Variants in BCAS1 observed in about 807,000 individuals in gnomAD.
The protein encoded by BCAS1 is brain enriched myelin associated protein 1, also known as breast carcinoma-amplified sequence 1.
A neutral mutation model predicts 65.4 loss-of-function variants in BCAS1; 46 were observed. That is an observed-to-expected ratio of 0.70 (90% CI 0.55 to 0.90). The LOEUF (loss-of-function observed/expected upper bound fraction) is 0.90. BCAS1 is among the 40% of genes least tolerant of loss of function. The pLI, the probability that BCAS1 is intolerant of heterozygous loss-of-function variation, is 0.00. For missense variants in BCAS1, 793 were observed against 771.2 expected (o/e 1.03, Z -0.33); for synonymous variants, 298 against 293.5 (o/e 1.02, Z -0.16).
intron 9 of BCAS1, among the ~76,000 whole-genome samples, chr20:53,968,441 T>C (rs1375143418): frequency 6.6e-6 from 1 of 152,202 alleles, no homozygotes; most frequent in Non-Finnish European, 1.5e-5. Flanking sequence ...TGAGAAACTA[T>C]TTTCTTTCCC....
chr20:54,009,403 C>T (rs928224917), intron 4 of BCAS1, among the ~76,000 whole-genome samples: 7 of 152,086 alleles, frequency 4.6e-5, no homozygotes, highest in Non-Finnish European at 1.0e-4. Context: ...TACAGATTAC[C>T]AGTATCAGGT....
chr20:53,944,799 A>T lies in BCAS1; in HGVS notation c.*123T>A. The T allele has an allele frequency of 1.1e-6, 1 of 944,488 alleles. No individual in the cohort carries two copies. Among genetic ancestry groups the T allele is most frequent in the Middle Eastern group, 2.7e-4 (1 of 3,698 alleles). The allele number at this position is 944,488 out of a possible 1,614,324, so 58.5% of individuals were successfully genotyped here. ...ATACAACAGCTCGGGCTTAATTTCTAGGCAGAATTTCATTTGCTGGCCATC... is the reference window on the plus strand; with the variant it reads ...ATACAACAGCTCGGGCTTAATTTCTTGGCAGAATTTCATTTGCTGGCCATC... On this transcript the variant is annotated 3_prime_UTR_variant, in exon 13 of 13. Transcript: ENST00000688948.
intron 7 of BCAS1, among the ~76,000 whole-genome samples, chr20:53,986,750 A>T (rs1261429846): frequency 6.6e-6 from 1 of 152,118 alleles, no homozygotes; most frequent in Non-Finnish European, 1.5e-5. Context: ...ATAAAAAATT[A>T]GCTGGGCATG....
At chr20:54,067,912 C>A (rs1190918712) in intron 1 of BCAS1, among the ~76,000 whole-genome samples, 1 of 152,262 alleles carries the variant, frequency 6.6e-6, no homozygotes, top group African/African-American at 2.4e-5. Context: ...CAGGCTGGCA[C>A]ACCCAGCAGA....
intron 12 of BCAS1, among the ~76,000 whole-genome samples, chr20:53,951,268 T>C (rs1339682258): frequency 6.6e-6 from 1 of 151,530 alleles, no homozygotes; most frequent in African/African-American, 2.4e-5. Flanking sequence ...AGCTCGGGAG[T>C]TCGAGACCAG....
At chr20:53,956,012 A>C (rs555322839) in intron 11 of BCAS1, among the ~76,000 whole-genome samples, 74 of 152,336 alleles carry the variant, frequency 4.9e-4, no homozygotes, top group African/African-American at 1.8e-3. Flanking sequence ...ACAAAAACAT[A>C]TTTACAGTCA....
At chr20:54,067,547 C>T (rs2092459384) in intron 1 of BCAS1, among the ~76,000 whole-genome samples, 1 of 152,118 alleles carries the variant, frequency 6.6e-6, no homozygotes, top group African/African-American at 2.4e-5. Context: ...GTTCTGTGTT[C>T]TGATCCATGA....
At chr20:53,968,589 C>A (rs755196096) in intron 9 of BCAS1, among the ~76,000 whole-genome samples, 2 of 152,178 alleles carry the variant, frequency 1.3e-5, no homozygotes, top group Non-Finnish European at 2.9e-5. Flanking sequence ...CAACATTTGG[C>A]AACTAAATCA....
intron 3 of BCAS1, among the ~76,000 whole-genome samples, chr20:54,045,961 G>T (rs2092096036): frequency 6.6e-6 from 1 of 152,176 alleles, no homozygotes; most frequent in East Asian, 1.9e-4. Context: ...GTTAGCTTGG[G>T]TGTCCTTGGA....
chr20:53,974,484 A>T (rs2090273070), intron 9 of BCAS1, among the ~76,000 whole-genome samples: 1 of 152,244 alleles, frequency 6.6e-6, no homozygotes, highest in Non-Finnish European at 1.5e-5. Flanking sequence ...CATCACAGAC[A>T]ACATTTCAGA....
intron 7 of BCAS1, among the ~76,000 whole-genome samples, chr20:53,991,106 G>A (rs1045696930): frequency 1.3e-5 from 2 of 152,112 alleles, no homozygotes; most frequent in Admixed American, 6.6e-5. Context: ...GCAGATCTGG[G>A]GAAACATCAT....
rs1952 is a variant in BCAS1, at chr20:53,944,104, C to T, written c.*818G>A. The T allele has an allele frequency of 0.11, 16,078 of 152,002 alleles. 1,407 individuals carry two copies. The highest frequency in any genetic ancestry group is 0.23 in the African/African-American group (9,637 of 41,392). The allele number at this position is 152,002 out of a possible 1,614,324, so 9.4% of individuals were successfully genotyped here. ...TACAAGGACCCTATTTGAAAAACAA[C>T]GCTTATTCATTCCTTTTTCTATACC... On this transcript the variant is annotated 3_prime_UTR_variant, in exon 13 of 13. Transcript: ENST00000688948.
chr20:53,963,976 T>C (rs371096), intron 10 of BCAS1, among the ~76,000 whole-genome samples: 44,556 of 152,096 alleles, frequency 0.29, 7,961 homozygotes, highest in African/African-American at 0.51. Flanking sequence ...GAGGATAGAG[T>C]TAAAACTAAA....
chr20:54,050,564 A>G (rs1397791203), intron 3 of BCAS1, among the ~76,000 whole-genome samples: 1 of 152,242 alleles, frequency 6.6e-6, no homozygotes. Context: ...GATACAGTAC[A>G]TACACAGATA....
At chr20:54,050,919 G>A (rs1040496251) in intron 3 of BCAS1, among the ~76,000 whole-genome samples, 7 of 152,290 alleles carry the variant, frequency 4.6e-5, no homozygotes, top group African/African-American at 1.4e-4. Context: ...CTCTTTAGGT[G>A]GGTCTTTTGC....
intron 4 of BCAS1, among the ~76,000 whole-genome samples, chr20:54,006,964 C>T (rs1034587813): frequency 2.0e-5 from 3 of 152,092 alleles, no homozygotes; most frequent in African/African-American, 7.2e-5. Context: ...GTGGTGAGGG[C>T]TGCTAAGGAG....
chr20:53,980,670 T>G (rs562091797), intron 8 of BCAS1, among the ~76,000 whole-genome samples: 19 of 152,328 alleles, frequency 1.2e-4, no homozygotes, highest in Admixed American at 7.8e-4. Context: ...GTGTCTCTAC[T>G]CTCCTTGAAA....
At chr20:54,041,909 CAAAAAAA>C (rs796435949) in intron 3 of BCAS1, among the ~76,000 whole-genome samples, 1 of 79,766 alleles carries the variant, frequency 1.3e-5, no homozygotes, top group African/African-American at 5.4e-5. Context: ...CTGTCTCCCC[CAAAAAAA>C]AAAAAAAAAA....
intron 4 of BCAS1, among the ~76,000 whole-genome samples, chr20:54,021,225 T>G (rs1319335194): frequency 1.3e-5 from 2 of 152,062 alleles, no homozygotes; most frequent in Non-Finnish European, 2.9e-5. Context: ...GAAACTCCTT[T>G]CTTATTTATA....
Sources: allele counts gnomAD v4.1 joint callset (sites outside exome capture counted in the v4.1 genomes callset), GRCh38; gene constraint gnomAD v4.1.1; transcripts MANE v1.5; gene names NCBI Gene and HGNC (gene_info 2026-07-23, HGNC 2026-07-21).